GRM4: variants seen among roughly 807,000 people sequenced by gnomAD.
The protein encoded by GRM4 is glutamate metabotropic receptor 4.
Under a neutral mutation model 81.7 loss-of-function variants are expected in GRM4, and 28 were observed. The ratio of observed to expected loss-of-function variants is 0.34; its 90% CI spans 0.25 to 0.47. GRM4 has a LOEUF of 0.47. Among genes scored for constraint, GRM4 ranks in the 20% least tolerant of loss-of-function variants. The pLI, the probability that GRM4 is intolerant of heterozygous loss-of-function variation, is 1.00. For missense variants in GRM4, 948 were observed against 1,290.0 expected, an observed-to-expected ratio of 0.73 and a Z score of 4.06; for synonymous variants, 488 against 528.8, an observed-to-expected ratio of 0.92 and a Z score of 1.06.
Position 34,103,562 on chromosome 6 carries a change from A to C in GRM4, c.520-11463T>G, listed in dbSNP as rs997059358. The C allele has an allele frequency of 7.9e-6, 12 of 1,517,526 alleles. No homozygotes were observed. In the East Asian group the frequency reaches 2.9e-4, roughly 37 times the overall value. 94.0% of individuals were successfully genotyped at this position (1,517,526 alleles called of 1,614,324 possible). A position where few individuals can be genotyped will look rare whatever the true frequency, so the allele number is the denominator to read the frequency against. ...GTCCTATTTCATAGGCGAAATGTAG[A>C]TCAATAAATTATACTCACTTTTGCA... On this transcript the variant is annotated intron_variant, in intron 2 of 10. Transcript: ENST00000538487.
intron 6 of GRM4, among the ~76,000 whole-genome samples, chr6:34,051,071 G>C (rs914778507): frequency 2.0e-5 from 3 of 152,234 alleles, no homozygotes; most frequent in African/African-American, 7.2e-5. Context: ...CTTGCCCAAG[G>C]AGGGAGGCTT....
At chr6:34,094,532 T>C (rs1768407410) in intron 2 of GRM4, among the ~76,000 whole-genome samples, 1 of 152,244 alleles carries the variant, frequency 6.6e-6, no homozygotes, top group African/African-American at 2.4e-5. Flanking sequence ...AAAATGGTAT[T>C]AGAGTCATGG....
Position 34,095,415 on chromosome 6 carries a change from T to C in GRM4, c.520-3316A>G, listed in dbSNP as rs1206081935. 2.6e-5 allele frequency among the ~76,000 whole-genome samples: 4 copies of C among 152,146 alleles called. No homozygotes were observed. In the East Asian group the frequency reaches 7.8e-4, roughly 29 times the overall value. On this transcript the variant is annotated intron_variant, in intron 2 of 10. Coordinates refer to ENST00000538487, the MANE Select transcript of GRM4 (RefSeq NM_000841.4). ...GGGAGCTATACTGCTTAAGTTCAAATCCCAGCTCCACCTCTCACCAGCTGA... is the reference window on the plus strand; with the variant it reads ...GGGAGCTATACTGCTTAAGTTCAAACCCCAGCTCCACCTCTCACCAGCTGA...
chr6:34,023,683 T>C (rs530804846), intron 10 of GRM4, among the ~76,000 whole-genome samples: 1 of 152,300 alleles, frequency 6.6e-6, no homozygotes, highest in African/African-American at 2.4e-5. Context: ...CTCCCATTCC[T>C]GTCCACAGCT....
chr6:34,036,147 G>A lies in GRM4; in HGVS notation c.1963C>T (p.Arg655Cys), dbSNP rs1419346763. ...ATCCCTAGTCCCAGGAAGATTCGGC[G>A]CAGCGAGCAGGTGCCAAGGTCGGGC... is the stretch of plus-strand genomic sequence containing the variant. ...AEPDLGTCSL[R>C]RIFLGLGMSI... Residue 655 changes from arginine (R) to cysteine (C), a missense_variant, in exon 9 of 11, where the codon CGC (arginine) becomes TGC (cysteine). Arg to Cys is a radical substitution (Grantham distance 180). Transcript: ENST00000538487. This position sits in a 1 kb window ranked among gnomAD's most constrained non-coding sequence, Gnocchi z 9.0. 8 of 1,614,096 alleles carry A rather than the reference G, an allele frequency of 5.0e-6. No homozygotes were observed. The highest frequency in any genetic ancestry group is 1.7e-5 in the Admixed American group (1 of 60,010).
rs1763830604 is a variant in GRM4, at chr6:34,020,478, C to T, written c.*2343G>A. On this transcript the variant is annotated 3_prime_UTR_variant, in exon 11 of 11. Coordinates refer to ENST00000538487, the MANE Select transcript of GRM4 (RefSeq NM_000841.4). ...CAGGATGGGGGTGCTGCCAGAGTCA[C>T]CCTGGGGGAGAGCTGGCTGCACCCG... 1 of 152,226 alleles carries T rather than the reference C, an allele frequency of 6.6e-6. No individual in the cohort carries two copies. Among genetic ancestry groups the T allele is most frequent in the Non-Finnish European group, 1.5e-5 (1 of 68,078 alleles). The allele number at this position is 152,226 out of a possible 1,614,324, so 9.4% of individuals were successfully genotyped here. A position where few individuals can be genotyped will look rare whatever the true frequency, so the allele number is the denominator to read the frequency against.
chr6:34,026,463 G>T (rs1181463719), intron 10 of GRM4, among the ~76,000 whole-genome samples: 1 of 152,114 alleles, frequency 6.6e-6, no homozygotes, highest in Non-Finnish European at 1.5e-5. Flanking sequence ...GCCTGCAGGG[G>T]GTCTGGGTGA....
Position 34,019,229 on chromosome 6 carries a change from G to A in GRM4, c.*3592C>T, listed in dbSNP as rs1255051542. The A allele has an allele frequency of 5.9e-5, 9 of 152,374 alleles. No individual in the cohort carries two copies. Among genetic ancestry groups the A allele is most frequent in the Admixed American group, 3.3e-4 (5 of 15,304 alleles). The allele number at this position is 152,374 out of a possible 1,614,324, so 9.4% of individuals were successfully genotyped here. On this transcript the variant is annotated 3_prime_UTR_variant, in exon 11 of 11. Transcript: ENST00000538487. ...GAGCTCAGAACAGCCCCTCAGAGCCGGAAGGGACCTGAGACTCTGCTCCTG... is the reference window on the plus strand; with the variant it reads ...GAGCTCAGAACAGCCCCTCAGAGCCAGAAGGGACCTGAGACTCTGCTCCTG...
chr6:34,094,128 A>G lies in GRM4; in HGVS notation c.520-2029T>C, dbSNP rs116555086. On this transcript the variant is annotated intron_variant, in intron 2 of 10. Coordinates refer to ENST00000538487, the MANE Select transcript of GRM4 (RefSeq NM_000841.4). ...GGGTCTCCAAGATATTCTGGGGTAA[A>G]AACAACAGCAATAAGGAGGCAACAT... 5.5e-3 allele frequency among the ~76,000 whole-genome samples: 840 copies of G among 152,336 alleles called. 9 individuals are homozygous for G. The highest frequency in any genetic ancestry group is 0.014 in the Middle Eastern group (4 of 294).
intron 2 of GRM4, among the ~76,000 whole-genome samples, chr6:34,094,862 A>G (rs1286473901): frequency 1.3e-5 from 2 of 152,140 alleles, no homozygotes; most frequent in African/African-American, 4.8e-5. Context: ...CCCAAGATGA[A>G]GTGGCTCCTT....
intron 3 of GRM4, among the ~76,000 whole-genome samples, chr6:34,083,915 T>C (rs1215374977): frequency 6.6e-6 from 1 of 152,214 alleles, no homozygotes; most frequent in African/African-American, 2.4e-5. Context: ...CACCATGCAA[T>C]TGGCCCCAAT....
chr6:34,084,381 G>T, intron 3 of GRM4, among the ~76,000 whole-genome samples: 1 of 152,180 alleles, frequency 6.6e-6, no homozygotes, highest in East Asian at 1.9e-4. Context: ...GCAGAGGGAA[G>T]GGTCAGCAGG....
At chr6:34,117,291 G>A (rs964119433) in intron 2 of GRM4, among the ~76,000 whole-genome samples, 6 of 152,200 alleles carry the variant, frequency 3.9e-5, no homozygotes, top group Non-Finnish European at 1.5e-5. Flanking sequence ...AAATGGAACT[G>A]AAAATGGCAG....
At chr6:34,095,342 T>C (rs1384763727) in intron 2 of GRM4, among the ~76,000 whole-genome samples, 1 of 152,004 alleles carries the variant, frequency 6.6e-6, no homozygotes, top group Non-Finnish European at 1.5e-5. Flanking sequence ...CCTCCTCAGC[T>C]CCAGCCCCAC....
intron 5 of GRM4, 23 bp downstream of exon 5, chr6:34,058,951 C>A: frequency 6.2e-7 from 1 of 1,601,262 alleles, no homozygotes; most frequent in African/African-American, 1.3e-5. Context: ...TGGTGCCGAC[C>A]ACCTGCACCC....
chr6:34,071,287 CCACA>C lies in GRM4; in HGVS notation c.737-9263_737-9260del, dbSNP rs1051066447. Among the ~76,000 whole-genome samples, 5 of 146,606 alleles carry C rather than the reference CCACA, an allele frequency of 3.4e-5. 1 individual carries two copies. In the South Asian group the frequency reaches 1.1e-3, roughly 32 times the overall value. The stretch of plus-strand genomic sequence containing the variant: ...ACACACATCACCACAGAGATACACA[CCACA>C]CACACACATCACCACAGAGATACAC... On this transcript the variant is annotated intron_variant, in intron 3 of 10. Coordinates refer to ENST00000538487, the MANE Select transcript of GRM4 (RefSeq NM_000841.4).
At chr6:34,088,308 G>A (rs151076116) in intron 3 of GRM4, among the ~76,000 whole-genome samples, 102 of 152,246 alleles carry the variant, frequency 6.7e-4, no homozygotes, top group African/African-American at 2.2e-3. Flanking sequence ...ATTTTTAGTA[G>A]AGACGGCGTT....
intron 3 of GRM4, among the ~76,000 whole-genome samples, chr6:34,072,480 CCACACACATCACACAGATACAAACCACA>C (rs1561791867): frequency 1.4e-5 from 2 of 145,062 alleles, no homozygotes; most frequent in African/African-American, 5.1e-5. Context: ...AGATACACAC[CCACACACATCACACAGATACAAACCACA>C]CACACACATC....
chr6:34,143,414 G>A (rs1423222244), intron 1 of GRM4, among the ~76,000 whole-genome samples: 3 of 152,192 alleles, frequency 2.0e-5, no homozygotes, highest in African/African-American at 7.2e-5. Flanking sequence ...CCCATTTCGA[G>A]AGCCGGTTCA....
Sources: gnomAD v4.1 joint callset for allele counts (sites outside exome capture counted in the v4.1 genomes callset) on GRCh38, gnomAD v4.1.1 for gene constraint, Gnocchi (gnomAD v3.1) non-coding constraint, MANE v1.5 for transcripts, NCBI Gene and HGNC (gene_info 2026-07-23, HGNC 2026-07-21) for gene names.